The following SIK3 variants were observed in gnomAD, a reference collection of about 807,000 sequenced individuals.
The protein encoded by SIK3 is serine/threonine-protein kinase SIK3.
A neutral mutation model predicts 144.2 loss-of-function variants in SIK3; 28 were observed. The observed-to-expected ratio is 0.19, with a 90% CI of 0.14 to 0.27. The LOEUF is 0.27. Among genes scored for constraint, SIK3 ranks in the 10% least tolerant of loss-of-function variants. The pLI, the probability that SIK3 is intolerant of heterozygous loss-of-function variation, is 1.00. For missense variants in SIK3, 1,319 were observed against 1,776.0 expected (o/e 0.74, Z 4.62); for synonymous variants, 686 against 676.3 (o/e 1.01, Z -0.22).
intron 1 of SIK3, among the ~76,000 whole-genome samples, chr11:117,089,077 A>C (rs1955133329): frequency 6.6e-6 from 1 of 152,060 alleles, no homozygotes; most frequent in South Asian, 2.1e-4. Flanking sequence ...TAGCACTTGG[A>C]CTAATCCAGA....
At chr11:116,862,919 A>C (rs906847571) in intron 16 of SIK3, among the ~76,000 whole-genome samples, 1 of 152,142 alleles carries the variant, frequency 6.6e-6, no homozygotes, top group Non-Finnish European at 1.5e-5. Context: ...TACTAAAAAT[A>C]CAAAAATTAG....
intron 1 of SIK3, among the ~76,000 whole-genome samples, chr11:117,004,076 C>T (rs1950954442): frequency 6.6e-6 from 1 of 152,108 alleles, no homozygotes; most frequent in Non-Finnish European, 1.5e-5. Flanking sequence ...AAATCCTCTC[C>T]AAATATCATC....
At chr11:116,992,686 A>G (rs969984876) in intron 1 of SIK3, among the ~76,000 whole-genome samples, 2 of 152,220 alleles carry the variant, frequency 1.3e-5, no homozygotes, top group Admixed American at 6.5e-5. Context: ...TTGGAATTCA[A>G]AAAGTTATCA....
At chr11:116,917,876 A>AAGGG (rs1351722137) in intron 4 of SIK3, among the ~76,000 whole-genome samples, 12 of 46,540 alleles carry the variant, frequency 2.6e-4, no homozygotes, top group South Asian at 2.5e-3. Flanking sequence ...GAAAGGGAGA[A>AAGGG]ACAAACAAAC....
At chr11:116,936,232 C>T (rs1947913192) in intron 3 of SIK3, among the ~76,000 whole-genome samples, 1 of 152,188 alleles carries the variant, frequency 6.6e-6, no homozygotes, top group Non-Finnish European at 1.5e-5. Context: ...CAGGCTGAAG[C>T]GGGGTGGTGT....
intron 2 of SIK3, among the ~76,000 whole-genome samples, chr11:116,956,349 A>T (rs1949138671): frequency 6.6e-6 from 1 of 151,070 alleles, no homozygotes; most frequent in Non-Finnish European, 1.5e-5. Context: ...AAAAAAAAAA[A>T]CTAAAATAGA....
At chr11:117,007,426 T>C (rs1317452021) in intron 1 of SIK3, among the ~76,000 whole-genome samples, 1 of 152,162 alleles carries the variant, frequency 6.6e-6, no homozygotes, top group African/African-American at 2.4e-5. Context: ...TTTGGTGAAC[T>C]AAATAAAACC....
intron 21 of SIK3, among the ~76,000 whole-genome samples, chr11:116,850,707 T>C (rs186332318): frequency 6.6e-6 from 1 of 152,006 alleles, no homozygotes; most frequent in East Asian, 1.9e-4. Flanking sequence ...AGTATTATGA[T>C]CTCTTTCACT....
chr11:117,086,799 A>C (rs1231835192), intron 1 of SIK3, among the ~76,000 whole-genome samples: 1 of 152,010 alleles, frequency 6.6e-6, no homozygotes, highest in Non-Finnish European at 1.5e-5. Context: ...GTTGGAGAGC[A>C]GCCTGACTAA....
intron 1 of SIK3, among the ~76,000 whole-genome samples, chr11:116,986,974 TGAG>T (rs1488376520): frequency 6.6e-6 from 1 of 151,970 alleles, no homozygotes; most frequent in Non-Finnish European, 1.5e-5. Flanking sequence ...GAAGGGGAAA[TGAG>T]GAGTTGTTAC....
chr11:116,942,057 T>C (rs1165601866), intron 3 of SIK3, among the ~76,000 whole-genome samples: 1 of 152,218 alleles, frequency 6.6e-6, no homozygotes, highest in African/African-American at 2.4e-5. Flanking sequence ...AGTCTATTTA[T>C]TACACTGCTT....
At chr11:117,051,420 A>C (rs1008288041) in intron 1 of SIK3, among the ~76,000 whole-genome samples, 1 of 152,116 alleles carries the variant, frequency 6.6e-6, no homozygotes, top group Non-Finnish European at 1.5e-5. Context: ...TTCCATAATA[A>C]ACCTCCTCTT....
chr11:116,927,497 C>T lies in SIK3; in HGVS notation c.455-117G>A, dbSNP rs1015471761. The T allele has an allele frequency of 1.2e-5, 10 of 856,842 alleles. No individual in the cohort carries two copies. The Admixed American group carries it at 2.5e-4, about 21-fold the overall frequency. The allele number at this position is 856,842 out of a possible 1,614,324, so 53.1% of individuals were successfully genotyped here. A position where few individuals can be genotyped will look rare whatever the true frequency, so the allele number is the denominator to read the frequency against. ...GAGTGAGTTAAAGAGGCAAAATGAG[C>T]AATGAGAGAACAACACATTGATAGT... On this transcript the variant is annotated intron_variant, in intron 3 of 24. Coordinates refer to ENST00000445177, the MANE Select transcript of SIK3 (RefSeq NM_001366686.3).
At chr11:116,940,603 A>G (rs1948236531) in intron 3 of SIK3, among the ~76,000 whole-genome samples, 1 of 152,006 alleles carries the variant, frequency 6.6e-6, no homozygotes, top group Non-Finnish European at 1.5e-5. Context: ...TTTTTATGTC[A>G]TGGTAGAAAT....
In SIK3 at chr11:116,857,896, G is replaced by A; in HGVS notation, c.3569C>T (p.Thr1190Ile). 1.2e-6 allele frequency: 2 copies of A among 1,614,202 alleles called. No homozygotes were observed. Among genetic ancestry groups the A allele is most frequent in the Non-Finnish European group, 1.7e-6 (2 of 1,180,050 alleles). ...GPGDPESLLG[T>I]VSHAQELGIH... ...CCCCAATTCTTGGGCATGACTCACA[G>A]TTCCTAGCAAAGATTCAGGGTCCCC... The change falls in exon 21 of 25, where the codon ACT becomes ATT. Residue 1190 changes from threonine (T) to isoleucine (I), a missense_variant. Physicochemically the swap from Thr to Ile is moderately conservative, Grantham distance 89 (BLOSUM62 -1). Coordinates refer to ENST00000445177, the MANE Select transcript of SIK3 (RefSeq NM_001366686.3).
At chr11:116,893,270 C>T (rs763242149) in intron 6 of SIK3, among the ~76,000 whole-genome samples, 13 of 152,112 alleles carry the variant, frequency 8.5e-5, no homozygotes, top group African/African-American at 2.4e-4. Context: ...TGGTGGGGCA[C>T]ATTGATTATG....
chr11:116,920,714 TA>T (rs1946919076), intron 4 of SIK3, among the ~76,000 whole-genome samples: 1 of 152,166 alleles, frequency 6.6e-6, no homozygotes, highest in Non-Finnish European at 1.5e-5. Flanking sequence ...ATACAATATT[TA>T]TGTCCTTTAT....
rs1023077182 is a variant in SIK3 at position 116,867,857 on chromosome 11, G to A, written c.1952+89C>T. Reference sequence around the variant, plus strand: ...ACAGCTGGCTTCTATTTAAAGCCACGATGCTAGTCACCGTCGCTGTGAGAC... The same window carrying A: ...ACAGCTGGCTTCTATTTAAAGCCACAATGCTAGTCACCGTCGCTGTGAGAC... On this transcript the variant is annotated intron_variant, in intron 15 of 24. Transcript: ENST00000445177. The surrounding 1 kb of genome is among the most constrained non-coding windows in gnomAD (Gnocchi z 4.1). The A allele has an allele frequency of 2.1e-5, 28 of 1,328,366 alleles. No homozygotes were observed. In the African/African-American group the frequency reaches 2.7e-4, roughly 13 times the overall value. The allele number at this position is 1,328,366 out of a possible 1,614,324, so 82.3% of individuals were successfully genotyped here.
At chr11:117,058,815 G>A (rs989088182) in intron 1 of SIK3, among the ~76,000 whole-genome samples, 1 of 152,176 alleles carries the variant, frequency 6.6e-6, no homozygotes, top group African/African-American at 2.4e-5. Flanking sequence ...AAATTAATAT[G>A]ATGAAATCAT....
Sources: allele counts gnomAD v4.1 joint callset (sites outside exome capture counted in the v4.1 genomes callset), GRCh38; gene constraint gnomAD v4.1.1; non-coding constraint Gnocchi (gnomAD v3.1); transcripts MANE v1.5; gene names NCBI Gene and HGNC (gene_info 2026-07-23, HGNC 2026-07-21).